Variants in RNF212B observed in about 807,000 individuals in gnomAD.
RNF212B encodes ring finger protein 212B, also known as E3 ubiquitin-protein ligase RNF212B.
RNF212B carries 52 observed loss-of-function variants against 55.5 expected under a neutral mutation model. The observed-to-expected ratio is 0.94, with a 90% CI of 0.75 to 1.18. RNF212B has a LOEUF of 1.18. Among genes scored for constraint, RNF212B ranks in the 50% most tolerant of loss-of-function variants. The pLI, the probability that RNF212B is intolerant of heterozygous loss-of-function variation, is 0.00. For synonymous variants in RNF212B, 99 were observed against 121.4 expected (o/e 0.82, Z 1.21); for missense variants, 289 against 350.4 (o/e 0.82, Z 1.40).
chr14:23,210,706 G>A (rs76045372), intron 2 of RNF212B, among the ~76,000 whole-genome samples: 17,131 of 141,538 alleles, frequency 0.12, 1,105 homozygotes, highest in East Asian at 0.2. Flanking sequence ...GAGCCCAGGA[G>A]GTGGAGGTTG....
In RNF212B at chr14:23,259,632, G is replaced by A. The variant is rs183314759; in HGVS notation, c.345-252G>A. ...CCAGGGGTGTGTGTGTGGGTGGAGA[G>A]AGGAAATGGAATTCTTTGCAAATTC... On this transcript the variant is annotated intron_variant, in intron 5 of 14. Transcript: ENST00000430154. 1.5e-3 allele frequency: 419 copies of A among 284,484 alleles called. 1 individual carries two copies. The highest frequency in any genetic ancestry group is 2.3e-3 in the Non-Finnish European group (350 of 152,754). 17.6% of individuals were successfully genotyped at this position (284,484 alleles called of 1,614,324 possible).
chr14:23,199,686 T>TG (rs1320564662), intron 2 of RNF212B, among the ~76,000 whole-genome samples: 4 of 151,428 alleles, frequency 2.6e-5, no homozygotes, highest in African/African-American at 9.7e-5. Flanking sequence ...TCATGTCCTA[T>TG]GAAGGAAAAA....
chr14:23,271,391 C>T (rs560755989), intron 14 of RNF212B, among the ~76,000 whole-genome samples: 5 of 150,664 alleles, frequency 3.3e-5, no homozygotes, highest in Admixed American at 6.6e-5. Flanking sequence ...TGCAGTGAGC[C>T]GAGATTGCGC....
In RNF212B at chr14:23,273,147, T is replaced by C; in HGVS notation, c.*256T>C. 1 of 307,122 alleles carries C rather than the reference T, an allele frequency of 3.3e-6. No homozygotes were observed. The highest frequency in any genetic ancestry group is 6.0e-6 in the Non-Finnish European group (1 of 166,126). 19.0% of individuals were successfully genotyped at this position (307,122 alleles called of 1,614,324 possible). On this transcript the variant is annotated 3_prime_UTR_variant, in exon 15 of 15. Coordinates refer to ENST00000430154, the MANE Select transcript of RNF212B (RefSeq NM_001282322.3). ...GACACTGGTAGCTCCCCTCATTTCC[T>C]ACAATTTGGAACAAAGGTCAAAAAA...
intron 2 of RNF212B, among the ~76,000 whole-genome samples, chr14:23,200,332 CT>C (rs996366274): frequency 1.5e-4 from 22 of 147,046 alleles, no homozygotes; most frequent in South Asian, 6.4e-4. Flanking sequence ...TCTCCCCCAA[CT>C]TTTTTTTTTT....
At position 23,225,714 on chromosome 14, in the gene RNF212B, TAGAA is replaced by T. The variant is rs554245780; in HGVS notation, c.-1-14626_-1-14623del. Reference sequence around the variant, plus strand: ...GATAGTTAATGCATACCAAAAAAAATAGAAAGAATAAATAAGACCTAGTATTTGA... The same window carrying T: ...GATAGTTAATGCATACCAAAAAAAATAGAATAAATAAGACCTAGTATTTGA... On this transcript the variant is annotated intron_variant, in intron 2 of 15. Coordinates refer to the RNF212B transcript ENST00000399910. Among the ~76,000 whole-genome samples, 1,488 of 151,734 alleles carry T rather than the reference TAGAA, an allele frequency of 9.8e-3. 11 individuals are homozygous for T. The highest frequency in any genetic ancestry group is 0.027 in the Middle Eastern group (8 of 294).
chr14:23,242,097 AAAAAAAAAAAGAAAAG>A (rs1214477400), intron 2 of RNF212B, among the ~76,000 whole-genome samples: 1 of 100,714 alleles, frequency 9.9e-6, no homozygotes, highest in Non-Finnish European at 2.3e-5. Context: ...AAAAAAAAAA[AAAAAAAAAAAGAAAAG>A]AAAAAGAAAA....
intron 2 of RNF212B, among the ~76,000 whole-genome samples, chr14:23,215,252 G>A (rs1474831004): frequency 6.6e-6 from 1 of 151,912 alleles, no homozygotes; most frequent in Non-Finnish European, 1.5e-5. Context: ...TGCCATGATT[G>A]TAAGTTTCCT....
intron 2 of RNF212B, among the ~76,000 whole-genome samples, chr14:23,219,155 C>T (rs1881340287): frequency 6.6e-6 from 1 of 152,150 alleles, no homozygotes; most frequent in South Asian, 2.1e-4. Flanking sequence ...TGAGGGATTT[C>T]ATTAACACCA....
chr14:23,238,338 CTG>C (rs1883282057), intron 1 of RNF212B, among the ~76,000 whole-genome samples: 1 of 152,104 alleles, frequency 6.6e-6, no homozygotes, highest in South Asian at 2.1e-4. Flanking sequence ...GCTCGTGGCA[CTG>C]TGGGATGCGT....
At chr14:23,264,394 C>T (rs942430188) in intron 10 of RNF212B, among the ~76,000 whole-genome samples, 160 bp downstream of exon 10, 10 of 152,290 alleles carry the variant, frequency 6.6e-5, no homozygotes, top group Admixed American at 2.0e-4. Context: ...ATATTAGAAA[C>T]TGACAGAGAA....
At chr14:23,259,202 CA>C (rs75616952) in intron 5 of RNF212B, among the ~76,000 whole-genome samples, 59,897 of 149,718 alleles carry the variant, frequency 0.4, 11,995 homozygotes, top group East Asian at 0.42. Flanking sequence ...AAAACAAAAA[CA>C]AAAAAAAACA....
chr14:23,190,203 T>A lies in RNF212B; in HGVS notation c.-78-3122T>A, dbSNP rs745413955. ...CTCCCTCTCTAGCTGTGTGATGTCATCCAGTCCCATGGCTTTCAGTAGCAA... is the reference window on the plus strand; with the variant it reads ...CTCCCTCTCTAGCTGTGTGATGTCAACCAGTCCCATGGCTTTCAGTAGCAA... On this transcript the variant is annotated intron_variant, in intron 1 of 15. Coordinates refer to the RNF212B transcript ENST00000399910. Among the ~76,000 whole-genome samples, 4 of 152,264 alleles carry A rather than the reference T, an allele frequency of 2.6e-5. No individual in the cohort carries two copies. The East Asian group carries it at 5.8e-4, about 22-fold the overall frequency.
intron 2 of RNF212B, among the ~76,000 whole-genome samples, chr14:23,230,302 T>A (rs1436542562): frequency 3.3e-5 from 5 of 152,190 alleles, no homozygotes; most frequent in African/African-American, 4.8e-5. Flanking sequence ...AGTTTTTAAT[T>A]TTAACTAAGT....
At chr14:23,256,111 C>T (rs925227569) in intron 4 of RNF212B, among the ~76,000 whole-genome samples, 5 of 151,964 alleles carry the variant, frequency 3.3e-5, no homozygotes, top group South Asian at 2.1e-4. Context: ...TATGCACTTA[C>T]GACCCTTGGT....
rs114764308 is a variant in RNF212B at position 23,212,266 on chromosome 14, G to A, written c.-2+18865G>A. Among the ~76,000 whole-genome samples the A allele has an allele frequency of 1.8e-3, 276 of 152,272 alleles. 1 individual carries two copies. The highest frequency in any genetic ancestry group is 5.9e-3 in the African/African-American group (246 of 41,550). ...CACCACTTCTCTTCAACATTATGCC[G>A]ATGGCTATGGCCACTGCAGTTAGGC... On this transcript the variant is annotated intron_variant, in intron 2 of 15. Coordinates refer to the RNF212B transcript ENST00000399910.
chr14:23,227,221 T>TC (rs1263299034), intron 2 of RNF212B, among the ~76,000 whole-genome samples: 13 of 133,366 alleles, frequency 9.7e-5, no homozygotes, highest in South Asian at 9.6e-4. Flanking sequence ...TTTATTATTA[T>TC]AATTTTTTTT....
At chr14:23,208,484 A>T (rs983787945) in intron 2 of RNF212B, among the ~76,000 whole-genome samples, 1 of 152,142 alleles carries the variant, frequency 6.6e-6, no homozygotes, top group Non-Finnish European at 1.5e-5. Flanking sequence ...ACAGAGTGAG[A>T]TCCTATCTCT....
chr14:23,226,154 AG>A (rs1881985599), intron 2 of RNF212B, among the ~76,000 whole-genome samples: 1 of 150,834 alleles, frequency 6.6e-6, no homozygotes, highest in South Asian at 2.1e-4. Context: ...AAAAATTAGC[AG>A]GGTGTGGTGG....
Sources: gnomAD v4.1 joint callset for allele counts (sites outside exome capture counted in the v4.1 genomes callset) on GRCh38, gnomAD v4.1.1 for gene constraint, MANE v1.5 for transcripts, NCBI Gene and HGNC (gene_info 2026-07-23, HGNC 2026-07-21) for gene names.